Variants in CCND3 observed in about 807,000 individuals in gnomAD.
CCND3 encodes the protein G1/S-specific cyclin-D3.
A neutral mutation model predicts 28.7 loss-of-function variants in CCND3; 9 were observed. The ratio of observed to expected loss-of-function variants is 0.31; its 90% CI spans 0.19 to 0.55. The LOEUF (loss-of-function observed/expected upper bound fraction) is 0.55. Ranked by LOEUF, CCND3 falls within the 20% of genes least tolerant of loss-of-function variation. CCND3 has a pLI of 0.93. For missense variants in CCND3, 315 were observed against 385.8 expected (o/e 0.82, Z 1.54); for synonymous variants, 164 against 163.9 (o/e 1.00, Z 0.00).
chr6:41,978,636 A>T (rs1379688558), intron 1 of CCND3, among the ~76,000 whole-genome samples: 1 of 151,984 alleles, frequency 6.6e-6, no homozygotes, highest in Admixed American at 6.6e-5. Flanking sequence ...GTGTTGGGGG[A>T]AGTGTGGTGC....
At chr6:41,963,870 A>T (rs1244053634) in intron 1 of CCND3, among the ~76,000 whole-genome samples, 1 of 152,102 alleles carries the variant, frequency 6.6e-6, no homozygotes, top group African/African-American at 2.4e-5. Context: ...AGATCTCCAC[A>T]TAGCTCCTTT....
At chr6:41,976,612 C>T (rs914556014) in intron 1 of CCND3, among the ~76,000 whole-genome samples, 6 of 152,118 alleles carry the variant, frequency 3.9e-5, no homozygotes, top group African/African-American at 1.2e-4. Context: ...GTGATTGAGC[C>T]AGTCTGGGTG....
At chr6:42,018,891 TA>T (rs10568698) in intron 1 of CCND3, among the ~76,000 whole-genome samples, 36,441 of 136,722 alleles carry the variant, frequency 0.27, 4,952 homozygotes, top group Admixed American at 0.38. Context: ...AACTCCATGT[TA>T]AAAAAAAAAA....
chr6:42,015,492 C>T (rs1394178462), intron 1 of CCND3, among the ~76,000 whole-genome samples: 1 of 152,064 alleles, frequency 6.6e-6, no homozygotes, highest in Non-Finnish European at 1.5e-5. Flanking sequence ...GGGCAGATCA[C>T]GAGGTCAGGA....
chr6:42,010,037 G>A (rs1041159716), intron 1 of CCND3, among the ~76,000 whole-genome samples: 4 of 152,126 alleles, frequency 2.6e-5, no homozygotes, highest in Non-Finnish European at 5.9e-5. Flanking sequence ...TCTAGAATGT[G>A]GATTTGGGTG....
In CCND3 at chr6:41,937,222, A is replaced by G. The variant is rs370472300; in HGVS notation, c.574+13T>C. ...TTTTTCCAATTTGGCAAAAATGTGCATAGGGCTCTTACCTGTAGCACAGAG... is the reference window on the plus strand; with the variant it reads ...TTTTTCCAATTTGGCAAAAATGTGCGTAGGGCTCTTACCTGTAGCACAGAG... On this transcript the variant is annotated intron_variant, in intron 3 of 4. Transcript: ENST00000372991. 6.2e-7 allele frequency: 1 copy of G among 1,614,132 alleles called. No homozygotes were observed. The highest frequency in any genetic ancestry group is 8.5e-7 in the Non-Finnish European group (1 of 1,179,958).
chr6:41,941,397 C>G lies in CCND3; in HGVS notation c.198+55G>C, dbSNP rs2048908446. 2 of 1,589,842 alleles carry G rather than the reference C, an allele frequency of 1.3e-6. No homozygotes were observed. The highest frequency in any genetic ancestry group is 3.6e-5 in the Admixed American group (2 of 54,950). Reference sequence around the variant, plus strand: ...GACCGGGATGTCCCGACAGGGCGGCCCCGGTGTGTCCAGACCCGGGAGCGG... The same window carrying G: ...GACCGGGATGTCCCGACAGGGCGGCGCCGGTGTGTCCAGACCCGGGAGCGG... On this transcript the variant is annotated intron_variant, in intron 1 of 4. Coordinates refer to ENST00000372991, the MANE Select transcript of CCND3 (RefSeq NM_001760.5). The surrounding 1 kb of genome is among the most constrained non-coding windows in gnomAD (Gnocchi z 6.1).
Position 41,941,696 on chromosome 6 carries a change from C to T in CCND3, c.-47G>A, listed in dbSNP as rs1189883541. On this transcript the variant is annotated 5_prime_UTR_variant, in exon 1 of 5. Transcript: ENST00000372991. This position sits in a 1 kb window ranked among gnomAD's most constrained non-coding sequence, Gnocchi z 6.1. ...GGCGGGAGTGCGGGCTCGCGAGTCC[C>T]AAGGCAGGCGACGGGCCGGAGAGCG... is the stretch of plus-strand genomic sequence containing the variant. The T allele has an allele frequency of 7.8e-7, 1 of 1,276,882 alleles. No homozygotes were observed. The highest frequency in any genetic ancestry group is 2.1e-5 in the South Asian group (1 of 47,616). The allele number at this position is 1,276,882 out of a possible 1,614,324, so 79.1% of individuals were successfully genotyped here.
At chr6:41,950,371 C>A (rs1776273302) in intron 1 of CCND3, among the ~76,000 whole-genome samples, 1 of 152,090 alleles carries the variant, frequency 6.6e-6, no homozygotes, top group Admixed American at 6.6e-5. Flanking sequence ...TTGGCTTAGT[C>A]ATTAAGTAAG....
At position 42,002,486 on chromosome 6, in the gene CCND3, T is replaced by G. The variant is rs190169684; in HGVS notation, c.-46+46015A>C. ...TTTATTTTATGATATGTACATTCAA[T>G]AAAGAAAGCAAACTTATACAATGCA... On this transcript the variant is annotated intron_variant, in intron 1 of 4. Coordinates refer to the CCND3 transcript ENST00000372988. 4.9e-3 allele frequency among the ~76,000 whole-genome samples: 727 copies of G among 149,600 alleles called. 4 individuals carry two copies. Among genetic ancestry groups the G allele is most frequent in the Non-Finnish European group, 6.6e-3 (448 of 67,396 alleles).
intron 1 of CCND3, among the ~76,000 whole-genome samples, chr6:41,970,240 G>A (rs1762000347): frequency 6.6e-6 from 1 of 152,180 alleles, no homozygotes; most frequent in Non-Finnish European, 1.5e-5. Flanking sequence ...TTGGGAGGCT[G>A]AGGCAGGAGA....
At chr6:41,965,172 C>T (rs529952858) in intron 1 of CCND3, among the ~76,000 whole-genome samples, 6 of 144,886 alleles carry the variant, frequency 4.1e-5, no homozygotes, top group Admixed American at 2.2e-4. Flanking sequence ...TGGGTTCAAG[C>T]AATTCTCCTG....
intron 1 of CCND3, among the ~76,000 whole-genome samples, chr6:42,040,372 C>G (rs898027946): frequency 2.6e-5 from 4 of 152,022 alleles, no homozygotes; most frequent in Non-Finnish European, 4.4e-5. Flanking sequence ...GAGCTGAGAT[C>G]GTGCCATTGC....
In CCND3 at chr6:41,935,101, T is replaced by C. The variant is rs1296660511; in HGVS notation, c.*839A>G. ...CACCTCCAGGGCATCCCTGCTGCAT[T>C]TTCCCTGCTGGAGGATGGGGCAGAG... On this transcript the variant is annotated 3_prime_UTR_variant, in exon 5 of 5. Coordinates refer to ENST00000372991, the MANE Select transcript of CCND3 (RefSeq NM_001760.5). 4 of 233,202 alleles carry C rather than the reference T, an allele frequency of 1.7e-5. No individual in the cohort carries two copies. Among genetic ancestry groups the C allele is most frequent in the African/African-American group, 2.2e-5 (1 of 45,354 alleles). The allele number at this position is 233,202 out of a possible 1,614,324, so 14.4% of individuals were successfully genotyped here. A position where few individuals can be genotyped will look rare whatever the true frequency, so the allele number is the denominator to read the frequency against.
At chr6:41,961,550 G>C (rs776026065) in intron 1 of CCND3, among the ~76,000 whole-genome samples, 19 of 152,128 alleles carry the variant, frequency 1.2e-4, no homozygotes, top group Non-Finnish European at 2.2e-4. Context: ...CTGGGTGACA[G>C]AGTGAGACTC....
intron 1 of CCND3, among the ~76,000 whole-genome samples, chr6:42,043,467 G>A (rs1764431913): frequency 6.6e-6 from 1 of 152,202 alleles, no homozygotes; most frequent in African/African-American, 2.4e-5. Flanking sequence ...GGAGGCGGAG[G>A]TTGCAGTGGG....
At chr6:42,024,395 TCA>T (rs753628615) in intron 1 of CCND3, among the ~76,000 whole-genome samples, 6 of 127,470 alleles carry the variant, frequency 4.7e-5, no homozygotes, top group Non-Finnish European at 8.1e-5. Flanking sequence ...AGAGCAAGAC[TCA>T]GTCTCAAAAA....
chr6:42,042,548 C>T (rs1192858689), intron 1 of CCND3, among the ~76,000 whole-genome samples: 4 of 152,050 alleles, frequency 2.6e-5, no homozygotes, highest in Non-Finnish European at 1.5e-5. Context: ...TTAGTAGAGA[C>T]GGGGTTTCTC....
intron 1 of CCND3, among the ~76,000 whole-genome samples, chr6:41,959,455 T>A (rs570157008): frequency 1.3e-5 from 2 of 148,722 alleles, no homozygotes; most frequent in East Asian, 2.0e-4. Flanking sequence ...GAGGCCAAGG[T>A]GGGCAGATCA....
Sources: allele counts gnomAD v4.1 joint callset (sites outside exome capture counted in the v4.1 genomes callset), GRCh38; gene constraint gnomAD v4.1.1; non-coding constraint Gnocchi (gnomAD v3.1); transcripts MANE v1.5; gene names NCBI Gene and HGNC (gene_info 2026-07-23, HGNC 2026-07-21).